The following CNOT6 variants were observed in gnomAD, a reference collection of about 807,000 sequenced individuals.
CNOT6 encodes the protein CCR4-NOT transcription complex subunit 6.
Under a neutral mutation model 61.2 loss-of-function variants are expected in CNOT6, and 12 were observed. That is an observed-to-expected ratio of 0.20 (90% CI 0.13 to 0.32). The LOEUF (loss-of-function observed/expected upper bound fraction) is 0.32. CNOT6 is among the 10% of genes least tolerant of loss of function. CNOT6 has a pLI of 1.00. For missense variants in CNOT6, 405 were observed against 663.9 expected, an observed-to-expected ratio of 0.61 and a Z score of 4.28; for synonymous variants, 225 against 240.6, an observed-to-expected ratio of 0.94 and a Z score of 0.60.
intron 1 of CNOT6, 100 bp downstream of exon 1, chr5:180,494,863 C>T (rs917158373): frequency 6.6e-6 from 1 of 152,012 alleles, no homozygotes; most frequent in Non-Finnish European, 1.5e-5. Context: ...GGGCAACTTT[C>T]GTTTCGTGGG....
chr5:180,562,676 C>G (rs909202358), intron 4 of CNOT6, among the ~76,000 whole-genome samples: 4 of 151,976 alleles, frequency 2.6e-5, no homozygotes, highest in Non-Finnish European at 5.9e-5. Flanking sequence ...GGAGGCGGAG[C>G]TTGCGGTGAG....
chr5:180,514,045 A>T (rs1487123058), intron 1 of CNOT6, among the ~76,000 whole-genome samples: 2 of 151,638 alleles, frequency 1.3e-5, no homozygotes, highest in Non-Finnish European at 2.9e-5. Context: ...TATGTTGCCC[A>T]GGCTGGTTTC....
chr5:180,544,770 C>G (rs1262085217), intron 2 of CNOT6, among the ~76,000 whole-genome samples: 1 of 152,186 alleles, frequency 6.6e-6, no homozygotes, highest in African/African-American at 2.4e-5. Flanking sequence ...CCCTTCCCCT[C>G]TCTTGAGTGA....
At chr5:180,508,053 C>A (rs1337917230) in intron 1 of CNOT6, among the ~76,000 whole-genome samples, 2 of 152,098 alleles carry the variant, frequency 1.3e-5, no homozygotes, top group Non-Finnish European at 2.9e-5. Context: ...CATATCAGAC[C>A]GTATCTAGGA....
Position 180,565,118 on chromosome 5 carries a change from G to A in CNOT6, c.559+375G>A, listed in dbSNP as rs1469878973. Among the ~76,000 whole-genome samples, 82 of 152,240 alleles carry A rather than the reference G, an allele frequency of 5.4e-4. 1 individual carries two copies. Among genetic ancestry groups the A allele is most frequent in the Admixed American group, 5.4e-3 (82 of 15,288 alleles). On this transcript the variant is annotated intron_variant, in intron 6 of 11. Transcript: ENST00000261951. ...CAGGCCCCCACAACAGACTTCACCT[G>A]AAATGTCAGTAGTGCGACTCTGGTT...
At chr5:180,566,058 G>C in intron 7 of CNOT6, 81 bp downstream of exon 7, 1 of 1,302,124 alleles carries the variant, frequency 7.7e-7, no homozygotes, top group Non-Finnish European at 1.0e-6. Context: ...CACATTTGAA[G>C]TTTTAGCTTC....
chr5:180,535,445 A>G (rs1758634748), intron 2 of CNOT6, among the ~76,000 whole-genome samples: 1 of 152,190 alleles, frequency 6.6e-6, no homozygotes, highest in Non-Finnish European at 1.5e-5. Context: ...TGCTTAGGAT[A>G]ACGGCCTCCA....
At chr5:180,506,294 T>G (rs975350902) in intron 1 of CNOT6, among the ~76,000 whole-genome samples, 1 of 152,208 alleles carries the variant, frequency 6.6e-6, no homozygotes, top group African/African-American at 2.4e-5. Context: ...TGCATAGTAG[T>G]TGAAAGCACA....
At chr5:180,571,056 A>G (rs146709412) in intron 10 of CNOT6, among the ~76,000 whole-genome samples, 174 bp from the exon 11 acceptor site, 2 of 152,378 alleles carry the variant, frequency 1.3e-5, no homozygotes, top group African/African-American at 2.4e-5. Context: ...AAACTATTCA[A>G]TACTCTGTGA....
Position 180,574,343 on chromosome 5 carries a change from G to A in CNOT6, c.*143G>A. The A allele has an allele frequency of 1.4e-6, 1 of 696,114 alleles. No individual in the cohort carries two copies. The allele number at this position is 696,114 out of a possible 1,614,324, so 43.1% of individuals were successfully genotyped here. ...AATCTGATTATTTGATAAGGATATA[G>A]TATGAAAGCCAGGTGCTAGCAACAG... On this transcript the variant is annotated 3_prime_UTR_variant, in exon 12 of 12. Transcript: ENST00000261951.
chr5:180,566,161 A>G (rs1053290491), intron 7 of CNOT6, among the ~76,000 whole-genome samples, 184 bp downstream of exon 7: 10 of 152,230 alleles, frequency 6.6e-5, no homozygotes, highest in Admixed American at 5.2e-4. Context: ...AAAATAGGCA[A>G]ATGTGTTAAG....
chr5:180,541,450 T>TTTTTTTTC (rs1408468292), intron 2 of CNOT6, among the ~76,000 whole-genome samples: 14 of 129,158 alleles, frequency 1.1e-4, no homozygotes, highest in African/African-American at 4.1e-4. Flanking sequence ...AATTTTTTTT[T>TTTTTTTTC]TTTTTTTTTT....
intron 2 of CNOT6, among the ~76,000 whole-genome samples, chr5:180,538,374 T>C (rs1226095648): frequency 6.7e-6 from 1 of 149,052 alleles, no homozygotes; most frequent in Non-Finnish European, 1.5e-5. Flanking sequence ...CAAGGATTAA[T>C]GTAGTTAATT....
intron 1 of CNOT6, among the ~76,000 whole-genome samples, chr5:180,526,128 A>T (rs1758092501): frequency 6.6e-6 from 1 of 152,186 alleles, no homozygotes; most frequent in Admixed American, 6.5e-5. Context: ...GTTTTTGGTG[A>T]AAGGTTGAAA....
At chr5:180,553,790 A>C (rs1759734888) in intron 4 of CNOT6, among the ~76,000 whole-genome samples, 1 of 152,016 alleles carries the variant, frequency 6.6e-6, no homozygotes, top group African/African-American at 2.4e-5. Flanking sequence ...TCTTAGATTC[A>C]AATCTCAAAA....
At chr5:180,543,582 G>T (rs890647108) in intron 2 of CNOT6, among the ~76,000 whole-genome samples, 1 of 152,150 alleles carries the variant, frequency 6.6e-6, no homozygotes, top group African/African-American at 2.4e-5. Context: ...TAGCATACCT[G>T]AACAAGTGTT....
intron 1 of CNOT6, among the ~76,000 whole-genome samples, chr5:180,497,714 A>G (rs1005857679): frequency 1.3e-5 from 2 of 152,196 alleles, no homozygotes; most frequent in Non-Finnish European, 1.5e-5. Context: ...TTTTATAACA[A>G]AAGTGTGATT....
chr5:180,540,431 C>T (rs868073876), intron 2 of CNOT6, among the ~76,000 whole-genome samples: 16 of 152,220 alleles, frequency 1.1e-4, no homozygotes, highest in African/African-American at 2.4e-4. Context: ...CACGATGGTT[C>T]GCCTTTTGAT....
chr5:180,520,622 C>T (rs867667093), intron 1 of CNOT6, among the ~76,000 whole-genome samples: 4 of 151,922 alleles, frequency 2.6e-5, no homozygotes, highest in Admixed American at 2.0e-4. Flanking sequence ...AGCCTGGCGA[C>T]AGAGCGAGAC....
Sources: allele counts gnomAD v4.1 joint callset (sites outside exome capture counted in the v4.1 genomes callset), GRCh38; gene constraint gnomAD v4.1.1; transcripts MANE v1.5; gene names NCBI Gene and HGNC (gene_info 2026-07-23, HGNC 2026-07-21).